The following KCNIP4 variants were observed in gnomAD, a reference collection of about 807,000 sequenced individuals.
KCNIP4 encodes the protein potassium voltage-gated channel interacting protein 4.
A neutral mutation model predicts 34.0 loss-of-function variants in KCNIP4; 12 were observed. The observed-to-expected ratio is 0.35, with a 90% CI of 0.23 to 0.57. The LOEUF is 0.57. Ranked by LOEUF, KCNIP4 falls within the 20% of genes least tolerant of loss-of-function variation. The probability of loss-of-function intolerance (pLI) is 0.83; values close to 1 mark genes in which losing one functional copy is unlikely to be tolerated. For missense variants in KCNIP4, 238 were observed against 311.7 expected, an observed-to-expected ratio of 0.76 and a Z score of 1.78; for synonymous variants, 124 against 102.2, an observed-to-expected ratio of 1.21 and a Z score of -1.29.
At chr4:20,963,664 G>T (rs1236543170) in intron 1 of KCNIP4, among the ~76,000 whole-genome samples, 1 of 152,080 alleles carries the variant, frequency 6.6e-6, no homozygotes, top group Admixed American at 6.6e-5. Flanking sequence ...TAGGAGAGTG[G>T]ATTTTGTGCA....
intron 1 of KCNIP4, among the ~76,000 whole-genome samples, chr4:21,038,599 C>T (rs1253638127): frequency 6.6e-6 from 1 of 152,078 alleles, no homozygotes; most frequent in East Asian, 1.9e-4. Flanking sequence ...GCAATGTAGG[C>T]AAACAAAAGT....
chr4:20,935,767 A>G (rs1407973068), intron 1 of KCNIP4, among the ~76,000 whole-genome samples: 2 of 152,150 alleles, frequency 1.3e-5, no homozygotes, highest in African/African-American at 4.8e-5. Flanking sequence ...TGGCTTCCAT[A>G]AACATTTTTC....
intron 1 of KCNIP4, chr4:21,844,154 C>T (rs1723859304): frequency 6.6e-6 from 1 of 151,902 alleles, no homozygotes; most frequent in Non-Finnish European, 1.5e-5. Flanking sequence ...AAGAAACTCA[C>T]AGTATTTCAG....
At chr4:21,798,404 C>CATATATATAT (rs112991875) in intron 1 of KCNIP4, among the ~76,000 whole-genome samples, 2,990 of 129,518 alleles carry the variant, frequency 0.023, 59 homozygotes, top group Non-Finnish European at 0.038. Context: ...CAAAAAAATA[C>CATATATATAT]ATATATATAT....
At chr4:20,924,646 A>G (rs1729723448) in intron 1 of KCNIP4, among the ~76,000 whole-genome samples, 1 of 152,212 alleles carries the variant, frequency 6.6e-6, no homozygotes, top group Non-Finnish European at 1.5e-5. Flanking sequence ...TAGTAAGCAT[A>G]TATGTCAAAA....
In KCNIP4 at chr4:20,840,728, A is replaced by AT. The variant is rs1217220885; in HGVS notation, c.288+9814dup. Among the ~76,000 whole-genome samples the AT allele has an allele frequency of 5.9e-5, 9 of 152,180 alleles. No individual in the cohort carries two copies. The South Asian group carries it at 8.3e-4, about 14-fold the overall frequency. On this transcript the variant is annotated intron_variant, in intron 3 of 8. Coordinates refer to ENST00000382152, the MANE Select transcript of KCNIP4 (RefSeq NM_025221.6). ...ATTAGGAAATGAAAGAGAAACAAACATTTTTTTGTCTTAAACCACTGAGTT... is the reference window on the plus strand; with the variant it reads ...ATTAGGAAATGAAAGAGAAACAAACATTTTTTTTGTCTTAAACCACTGAGTT...
intron 1 of KCNIP4, among the ~76,000 whole-genome samples, chr4:21,375,788 T>C (rs1025968363): frequency 5.3e-5 from 8 of 152,138 alleles, no homozygotes; most frequent in African/African-American, 1.7e-4. Context: ...AGGATGGTCT[T>C]GATCTCCTGA....
intron 1 of KCNIP4, among the ~76,000 whole-genome samples, chr4:20,948,581 C>A (rs1732442379): frequency 6.6e-6 from 1 of 152,206 alleles, no homozygotes; most frequent in Non-Finnish European, 1.5e-5. Flanking sequence ...GGGAAACAGG[C>A]TTTCTGCCTG....
At chr4:21,697,846 A>G (rs980185082) in intron 1 of KCNIP4, 3 of 182,094 alleles carry the variant, frequency 1.6e-5, no homozygotes, top group Non-Finnish European at 3.3e-5. Flanking sequence ...GCATGTAAGC[A>G]GGTGAGAAGA....
intron 2 of KCNIP4, among the ~76,000 whole-genome samples, chr4:20,880,687 A>G (rs930327208): frequency 1.3e-5 from 2 of 152,362 alleles, no homozygotes; most frequent in African/African-American, 2.4e-5. Flanking sequence ...ACAAATGACT[A>G]TATTTTCAGC....
chr4:21,293,749 G>T (rs904279540), intron 1 of KCNIP4, among the ~76,000 whole-genome samples: 1 of 152,178 alleles, frequency 6.6e-6, no homozygotes, highest in African/African-American at 2.4e-5. Flanking sequence ...GGGAAGTGGG[G>T]TCTATGAGAA....
Position 21,263,612 on chromosome 4 carries a change from C to T in KCNIP4, c.62-380903G>A, listed in dbSNP as rs1761609751. ...CACCACTTTCTGTTCCTGCCAGAGCCGGTGCTCTAAGACAACTTGTATAAC... is the reference window on the plus strand; with the variant it reads ...CACCACTTTCTGTTCCTGCCAGAGCTGGTGCTCTAAGACAACTTGTATAAC... On this transcript the variant is annotated intron_variant, in intron 1 of 8. Transcript: ENST00000382152. 2.0e-5 allele frequency among the ~76,000 whole-genome samples: 3 copies of T among 152,256 alleles called. No homozygotes were observed. In the East Asian group the frequency reaches 5.8e-4, roughly 29 times the overall value.
In KCNIP4 at chr4:21,743,653, G is replaced by A. The variant is rs139893284; in HGVS notation, c.61+204918C>T. 2.7e-5 allele frequency among the ~76,000 whole-genome samples: 4 copies of A among 150,864 alleles called. No individual in the cohort carries two copies. The East Asian group carries it at 7.8e-4, about 29-fold the overall frequency. On this transcript the variant is annotated intron_variant, in intron 1 of 8. Coordinates refer to ENST00000382152, the MANE Select transcript of KCNIP4 (RefSeq NM_025221.6). ...ACAATTCCTTTTTTTTGTAGGGGGA[G>A]GGGGGAGATGCATACTTTCTCTTTT... is the stretch of plus-strand genomic sequence containing the variant.
At chr4:20,978,018 C>T (rs1160896378) in intron 1 of KCNIP4, among the ~76,000 whole-genome samples, 1 of 152,178 alleles carries the variant, frequency 6.6e-6, no homozygotes, top group Non-Finnish European at 1.5e-5. Flanking sequence ...CACAGTAATA[C>T]ATATTTGTTA....
At chr4:21,248,116 T>G (rs963584357) in intron 1 of KCNIP4, among the ~76,000 whole-genome samples, 1 of 150,264 alleles carries the variant, frequency 6.7e-6, no homozygotes, top group African/African-American at 2.5e-5. Context: ...TAATATAAAA[T>G]AATATAAGTG....
chr4:21,635,795 A>G (rs972284610), intron 1 of KCNIP4, among the ~76,000 whole-genome samples: 1 of 152,090 alleles, frequency 6.6e-6, no homozygotes, highest in African/African-American at 2.4e-5. Context: ...CTGGGTATAT[A>G]CCCAAAGGAC....
chr4:21,339,440 C>T (rs1239045537), intron 1 of KCNIP4, among the ~76,000 whole-genome samples: 1 of 152,136 alleles, frequency 6.6e-6, no homozygotes, highest in Non-Finnish European at 1.5e-5. Context: ...ACATAATATG[C>T]AAATTGAATA....
chr4:21,928,405 C>T (rs1729388088), intron 1 of KCNIP4, among the ~76,000 whole-genome samples: 1 of 152,000 alleles, frequency 6.6e-6, no homozygotes, highest in South Asian at 2.1e-4. Context: ...TTCATCATAC[C>T]CAGCATATCT....
chr4:21,863,734 G>C (rs1436883360), intron 1 of KCNIP4, among the ~76,000 whole-genome samples: 3 of 152,124 alleles, frequency 2.0e-5, no homozygotes, highest in Non-Finnish European at 4.4e-5. Flanking sequence ...GATCTTGCTT[G>C]AGCTCCTAGA....
Sources: gnomAD v4.1 joint callset for allele counts (sites outside exome capture counted in the v4.1 genomes callset) on GRCh38, gnomAD v4.1.1 for gene constraint, MANE v1.5 for transcripts, NCBI Gene and HGNC (gene_info 2026-07-23, HGNC 2026-07-21) for gene names.